The following ASPRV1 variants were observed in gnomAD, a reference collection of about 807,000 sequenced individuals.
ASPRV1 encodes the protein retroviral-like aspartic protease 1.
In ASPRV1, 7 loss-of-function variants were observed where a neutral mutation model predicts 11.0. The observed-to-expected ratio is 0.64, with a 90% confidence interval of 0.36 to 1.20. The LOEUF is 1.20. Among genes scored for constraint, ASPRV1 ranks in the 50% most tolerant of loss-of-function variants. ASPRV1 has a pLI of 0.02. For missense variants in ASPRV1, 299 were observed against 320.0 expected (o/e 0.93, Z 0.50); for synonymous variants, 136 against 138.4 (o/e 0.98, Z 0.12).
At chr2:69,979,113 C>T in the ASPRV1 span, among the ~76,000 whole-genome samples, 1 of 152,014 alleles carries the variant, frequency 6.6e-6, no homozygotes, top group South Asian at 2.1e-4. Flanking sequence ...CGGCTCACCG[C>T]AAGCTCCACC....
the ASPRV1 span, among the ~76,000 whole-genome samples, chr2:70,039,000 A>G: frequency 6.6e-6 from 1 of 151,822 alleles, no homozygotes; most frequent in Admixed American, 6.6e-5. Context: ...AATCACTTGA[A>G]CGTGGGAGGC....
chr2:69,996,500 T>C, the ASPRV1 span, among the ~76,000 whole-genome samples: 2 of 152,188 alleles, frequency 1.3e-5, no homozygotes, highest in Non-Finnish European at 2.9e-5. Flanking sequence ...AGCTACTTCA[T>C]GGAACAGCAC....
the ASPRV1 span, among the ~76,000 whole-genome samples, chr2:70,022,362 TACACACAC>T: frequency 1.6e-3 from 185 of 113,626 alleles, no homozygotes; most frequent in Middle Eastern, 0.028. Flanking sequence ...CACACACACT[TACACACAC>T]ACACACACAC....
rs780295597 is a variant in ASPRV1 at position 69,960,845 on chromosome 2, C to T, written c.592G>A (p.Ala198Thr). Residue 198 changes from alanine (A) to threonine (T), a missense_variant, in exon 1 of 1, where the codon GCC becomes ACC. Coordinates refer to ENST00000320256, the MANE Select transcript of ASPRV1 (RefSeq NM_152792.4). The part of the protein sequence containing the change: ...FLVANASAEE[A>T]IIGTDVLQDH... ...TGGAGCACATCAGTGCCAATGATGG[C>T]TTCCTCGGCACTCGCATTGGCCACT... 2 of 1,614,176 alleles carry T rather than the reference C, an allele frequency of 1.2e-6. No individual in the cohort carries two copies. Among genetic ancestry groups the T allele is most frequent in the Non-Finnish European group, 8.5e-7 (1 of 1,180,036 alleles).
chr2:70,009,346 T>TTTA, the ASPRV1 span, among the ~76,000 whole-genome samples: 28 of 87,626 alleles, frequency 3.2e-4, no homozygotes, highest in African/African-American at 2.0e-3. Flanking sequence ...TTATTTATTT[T>TTTA]AGAGATGGAG....
At chr2:70,015,229 CA>C in the ASPRV1 span, among the ~76,000 whole-genome samples, 2 of 152,048 alleles carry the variant, frequency 1.3e-5, no homozygotes, top group Non-Finnish European at 2.9e-5. Flanking sequence ...AAATGGAAAC[CA>C]AAGAGAGCAG....
At chr2:69,938,176 T>G in the ASPRV1 span, 1 of 1,614,224 alleles carries the variant, frequency 6.2e-7, no homozygotes, top group Non-Finnish European at 8.5e-7. Context: ...TGAGCGACTC[T>G]GACGAGCGGG....
At chr2:70,039,673 G>A in the ASPRV1 span, among the ~76,000 whole-genome samples, 1 of 152,118 alleles carries the variant, frequency 6.6e-6, no homozygotes, top group Non-Finnish European at 1.5e-5. Flanking sequence ...CTCCTAAAAA[G>A]GTCTTCTGGC....
chr2:70,052,198 G>T, the ASPRV1 span, among the ~76,000 whole-genome samples: 9 of 152,138 alleles, frequency 5.9e-5, no homozygotes, highest in Non-Finnish European at 5.9e-5. Context: ...GGGAAGAAAG[G>T]AGGATTGTTA....
At chr2:70,072,119 C>T in the ASPRV1 span, among the ~76,000 whole-genome samples, 1 of 151,834 alleles carries the variant, frequency 6.6e-6, no homozygotes, top group African/African-American at 2.4e-5. Flanking sequence ...GCCCAGCTAA[C>T]TTTTGTATTT....
chr2:69,978,665 C>T, the ASPRV1 span, among the ~76,000 whole-genome samples: 18 of 152,204 alleles, frequency 1.2e-4, no homozygotes, highest in African/African-American at 3.9e-4. Context: ...CAGCCTGACA[C>T]GGGTGAGGGT....
the ASPRV1 span, among the ~76,000 whole-genome samples, chr2:70,079,429 T>C: frequency 2.6e-5 from 4 of 152,134 alleles, no homozygotes; most frequent in African/African-American, 4.8e-5. Flanking sequence ...ACTATTATCA[T>C]GCCACTGCAG....
the ASPRV1 span, among the ~76,000 whole-genome samples, chr2:69,992,862 T>A: frequency 6.6e-6 from 1 of 152,228 alleles, no homozygotes; most frequent in Non-Finnish European, 1.5e-5. Context: ...TACACGTGCA[T>A]TACGTAGTAA....
the ASPRV1 span, among the ~76,000 whole-genome samples, chr2:70,068,146 A>G: frequency 6.6e-6 from 1 of 152,238 alleles, no homozygotes; most frequent in South Asian, 2.1e-4. Context: ...ATCAGACACC[A>G]AAATCGCAAC....
chr2:69,948,790 C>T, the ASPRV1 span, among the ~76,000 whole-genome samples: 1 of 152,300 alleles, frequency 6.6e-6, no homozygotes, highest in Non-Finnish European at 1.5e-5. Flanking sequence ...CCCCCCGCCT[C>T]CCCTGTAAAT....
At chr2:70,018,111 G>C in the ASPRV1 span, 1 of 150,958 alleles carries the variant, frequency 6.6e-6, no homozygotes, top group African/African-American at 2.4e-5. Context: ...CTCCAGCTTG[G>C]GCTACAGAGT....
the ASPRV1 span, among the ~76,000 whole-genome samples, chr2:70,035,351 C>T: frequency 3.3e-5 from 5 of 152,098 alleles, no homozygotes; most frequent in African/African-American, 1.2e-4. Flanking sequence ...CAGAAAAGTC[C>T]TATGGTGCCT....
the ASPRV1 span, among the ~76,000 whole-genome samples, chr2:69,969,511 T>A: frequency 6.6e-6 from 1 of 152,124 alleles, no homozygotes; most frequent in Non-Finnish European, 1.5e-5. Context: ...ACCACTCCCC[T>A]CTGTCCTTTG....
chr2:69,958,996 G>A (rs1299873096), downstream of ASPRV1, among the ~76,000 whole-genome samples: 5 of 152,130 alleles, frequency 3.3e-5, no homozygotes, highest in African/African-American at 9.7e-5. Context: ...GGTAAACCCC[G>A]AGGATTAGGG....
Sources: gnomAD v4.1 joint callset for allele counts (sites outside exome capture counted in the v4.1 genomes callset) on GRCh38, gnomAD v4.1.1 for gene constraint, MANE v1.5 for transcripts, NCBI Gene and HGNC (gene_info 2026-07-23, HGNC 2026-07-21) for gene names.